SPTBN1: variants seen among roughly 807,000 people sequenced by gnomAD.
SPTBN1 encodes the protein spectrin beta chain, non-erythrocytic 1.
Under a neutral mutation model 266.4 loss-of-function variants are expected in SPTBN1, and 32 were observed. The observed-to-expected ratio is 0.12, with a 90% confidence interval of 0.09 to 0.16. The LOEUF (loss-of-function observed/expected upper bound fraction) is 0.16, where lower values mean the gene tolerates loss of function less well. Among genes scored for constraint, SPTBN1 ranks in the 10% least tolerant of loss-of-function variants. The pLI, the probability that SPTBN1 is intolerant of heterozygous loss-of-function variation, is 1.00. For missense variants in SPTBN1, 2,296 were observed against 3,067.1 expected, an observed-to-expected ratio of 0.75 and a Z score of 5.94; for synonymous variants, 1,336 against 1,162.2, an observed-to-expected ratio of 1.15 and a Z score of -3.04.
chr2:54,467,807 T>A (rs1693716649), intron 1 of SPTBN1, among the ~76,000 whole-genome samples: 1 of 152,196 alleles, frequency 6.6e-6, no homozygotes, highest in South Asian at 2.1e-4. Flanking sequence ...ATATGTGGTT[T>A]TTTGAATGGC....
At chr2:54,647,037 T>G in intron 23 of SPTBN1, 94 bp from the exon 24 acceptor site, 1 of 1,582,446 alleles carries the variant, frequency 6.3e-7, no homozygotes, top group Non-Finnish European at 8.6e-7. Flanking sequence ...CTACTGATCC[T>G]TCCTCCTACC....
intron 2 of SPTBN1, among the ~76,000 whole-genome samples, chr2:54,563,138 A>G (rs1206181005): frequency 1.3e-5 from 2 of 152,124 alleles, no homozygotes; most frequent in Non-Finnish European, 2.9e-5. Flanking sequence ...CTAGATGTTC[A>G]TATTTATATA....
chr2:54,475,755 C>G (rs986080106), intron 1 of SPTBN1, among the ~76,000 whole-genome samples: 1 of 152,110 alleles, frequency 6.6e-6, no homozygotes, highest in Non-Finnish European at 1.5e-5. Flanking sequence ...ATACAGCCAT[C>G]GGTAAGGCAC....
chr2:54,659,104 A>G (rs1680865816), intron 30 of SPTBN1, 50 bp from the exon 31 acceptor site: 2 of 1,601,272 alleles, frequency 1.2e-6, no homozygotes, highest in Non-Finnish European at 1.7e-6. Context: ...CTTTTTCTGA[A>G]AAGAGGCAGA....
At chr2:54,594,689 A>T (rs1185581956) in intron 2 of SPTBN1, among the ~76,000 whole-genome samples, 1 of 152,132 alleles carries the variant, frequency 6.6e-6, no homozygotes, top group African/African-American at 2.4e-5. Flanking sequence ...TGCCACACAC[A>T]CATAATTTCC....
Position 54,465,731 on chromosome 2 carries a change from C to T in SPTBN1, c.-48+9213C>T, listed in dbSNP as rs557862724. Among the ~76,000 whole-genome samples, 6 of 149,502 alleles carry T rather than the reference C, an allele frequency of 4.0e-5. No homozygotes were observed. In the South Asian group the frequency reaches 1.3e-3, roughly 32 times the overall value. On this transcript the variant is annotated intron_variant, in intron 1 of 35. Coordinates refer to ENST00000356805, the MANE Select transcript of SPTBN1 (RefSeq NM_003128.3). ...GTAATCTCTACCACGAAGGGAGGCA[C>T]ATATTTTAAAACATTTTAAATGGGG...
chr2:54,611,476 A>T (rs10193877), intron 3 of SPTBN1, among the ~76,000 whole-genome samples: 2 of 151,598 alleles, frequency 1.3e-5, no homozygotes, highest in Non-Finnish European at 2.9e-5. Context: ...CTCTCTCTCT[A>T]TATATATATT....
chr2:54,618,241 C>A, intron 7 of SPTBN1, 48 bp downstream of exon 7: 1 of 1,444,352 alleles, frequency 6.9e-7, no homozygotes, highest in Non-Finnish European at 9.6e-7. Flanking sequence ...TCTGTACCAT[C>A]CAGGTGTTAA....
At position 54,605,260 on chromosome 2, in the gene SPTBN1, C is replaced by T. The variant is rs116259079; in HGVS notation, c.300+6017C>T. On this transcript the variant is annotated intron_variant, in intron 3 of 35. Transcript: ENST00000356805. The stretch of plus-strand genomic sequence containing the variant: ...TGAAAACCAGCCACCAGATGGGAAC[C>T]GAGTCCCTCACTTCCTTTCACATGG... 7.0e-3 allele frequency among the ~76,000 whole-genome samples: 1,063 copies of T among 152,244 alleles called. 12 individuals are homozygous for T. Among genetic ancestry groups the T allele is most frequent in the African/African-American group, 0.024 (1,001 of 41,540 alleles).
At chr2:54,557,796 A>G in intron 2 of SPTBN1, 1 of 985,366 alleles carries the variant, frequency 1.0e-6, no homozygotes, top group Non-Finnish European at 1.2e-6. Flanking sequence ...TGGCAGCGTA[A>G]GTCAGCCGAG....
At chr2:54,601,937 AG>A (rs1412718126) in intron 3 of SPTBN1, among the ~76,000 whole-genome samples, 1 of 152,144 alleles carries the variant, frequency 6.6e-6, no homozygotes, top group East Asian at 1.9e-4. Flanking sequence ...AGTATCATGT[AG>A]GCATTTGGGA....
rs759914683 is a variant in SPTBN1 at position 54,655,917 on chromosome 2, A to G, written c.5965A>G (p.Lys1989Glu). 5 of 1,612,436 alleles carry G rather than the reference A, an allele frequency of 3.1e-6. No homozygotes were observed. Among genetic ancestry groups the G allele is most frequent in the Non-Finnish European group, 4.2e-6 (5 of 1,178,814 alleles). The change falls in exon 29 of 36, where the codon AAG (lysine) becomes GAG (glutamate). Residue 1989 changes from lysine to glutamate, a missense_variant. This residue lies in a region of SPTBN1 where 644 missense variants were observed against 745.3 expected (regional missense o/e 0.86). Coordinates refer to ENST00000356805, the MANE Select transcript of SPTBN1 (RefSeq NM_003128.3). ...ARKHYASEEI[K>E]EKLLQLTEKR... ...GGGGATCCTCTTTTTCATACAGATC[A>G]AGGAAAAATTACTGCAGTTGACGGA...
intron 2 of SPTBN1, among the ~76,000 whole-genome samples, chr2:54,559,888 A>T (rs1673166965): frequency 6.6e-6 from 1 of 152,188 alleles, no homozygotes; most frequent in Non-Finnish European, 1.5e-5. Flanking sequence ...CAGCCCTAGA[A>T]TGTTTTTCAT....
At chr2:54,667,526 T>C in intron 34 of SPTBN1, 78 bp from the exon 35 acceptor site, 8 of 1,391,466 alleles carry the variant, frequency 5.7e-6, no homozygotes, top group Non-Finnish European at 8.1e-6. Flanking sequence ...ACTTCTGTCC[T>C]GCATGGGATA....
chr2:54,555,095 C>T (rs1318090407), intron 2 of SPTBN1, among the ~76,000 whole-genome samples: 1 of 152,136 alleles, frequency 6.6e-6, no homozygotes, highest in Non-Finnish European at 1.5e-5. Flanking sequence ...CTTTGAGTCT[C>T]TCTCCTTAGA....
At chr2:54,619,620 T>C (rs919992560) in intron 7 of SPTBN1, among the ~76,000 whole-genome samples, 1 of 152,190 alleles carries the variant, frequency 6.6e-6, no homozygotes, top group African/African-American at 2.4e-5. Flanking sequence ...TAAAATCTAC[T>C]TGTAGACAAG....
intron 2 of SPTBN1, among the ~76,000 whole-genome samples, chr2:54,563,249 C>G (rs1161951804): frequency 6.6e-6 from 1 of 152,302 alleles, no homozygotes; most frequent in South Asian, 2.1e-4. Context: ...TCTATTGGCT[C>G]TGGCTGTGAA....
chr2:54,586,799 C>A (rs1357463131), intron 2 of SPTBN1, among the ~76,000 whole-genome samples: 2 of 152,152 alleles, frequency 1.3e-5, no homozygotes, highest in South Asian at 2.1e-4. Context: ...CGGAAACTGT[C>A]AAGAACGGCT....
intron 1 of SPTBN1, among the ~76,000 whole-genome samples, chr2:54,517,780 G>C (rs933754570): frequency 1.3e-5 from 2 of 151,732 alleles, no homozygotes; most frequent in Admixed American, 6.6e-5. Flanking sequence ...TGAGTAGCTG[G>C]GATTATAGGC....
Sources: allele counts gnomAD v4.1 joint callset (sites outside exome capture counted in the v4.1 genomes callset), GRCh38; gene constraint gnomAD v4.1.1; regional missense constraint gnomAD v4.1.1; transcripts MANE v1.5; gene names NCBI Gene and HGNC (gene_info 2026-07-23, HGNC 2026-07-21).